SMOC1: variants seen among roughly 807,000 people sequenced by gnomAD.
The protein encoded by SMOC1 is SPARC-related modular calcium-binding protein 1.
SMOC1 carries 22 observed loss-of-function variants against 56.3 expected under a neutral mutation model. That is an observed-to-expected ratio of 0.39 (90% CI 0.28 to 0.56). SMOC1 has a LOEUF of 0.56. SMOC1 is among the 20% of genes least tolerant of loss of function. The probability of loss-of-function intolerance (pLI) is 0.61; values close to 1 mark genes in which losing one functional copy is unlikely to be tolerated. For synonymous variants in SMOC1, 193 were observed against 215.0 expected, an observed-to-expected ratio of 0.90 and a Z score of 0.89; for missense variants, 509 against 565.4, an observed-to-expected ratio of 0.90 and a Z score of 1.01.
At chr14:69,926,840 T>G (rs1466728931) in intron 1 of SMOC1, among the ~76,000 whole-genome samples, 1 of 152,204 alleles carries the variant, frequency 6.6e-6, no homozygotes, top group Non-Finnish European at 1.5e-5. Flanking sequence ...TTTTAGCACT[T>G]CTTTACATGG....
Position 69,916,277 on chromosome 14 carries a change from T to G in SMOC1, c.100-35861T>G, listed in dbSNP as rs533071363. Among the ~76,000 whole-genome samples the G allele has an allele frequency of 5.3e-5, 8 of 152,360 alleles. No homozygotes were observed. The South Asian group carries it at 1.7e-3, about 32-fold the overall frequency. ...TCAGCACATCCTAGTGATTCTACTCTAAAAATGTGTCCAGAATCTACCCGC... is the reference window on the plus strand; with the variant it reads ...TCAGCACATCCTAGTGATTCTACTCGAAAAATGTGTCCAGAATCTACCCGC... On this transcript the variant is annotated intron_variant, in intron 1 of 11. Coordinates refer to ENST00000361956, the MANE Select transcript of SMOC1 (RefSeq NM_001034852.3).
intron 1 of SMOC1, among the ~76,000 whole-genome samples, chr14:69,931,193 G>A (rs1255164365): frequency 2.0e-5 from 3 of 152,352 alleles, no homozygotes; most frequent in African/African-American, 4.8e-5. Context: ...CCACATGGGC[G>A]TCTCCTCTGT....
intron 7 of SMOC1, among the ~76,000 whole-genome samples, chr14:69,995,979 A>G (rs1884747618): frequency 1.3e-5 from 2 of 152,130 alleles, no homozygotes; most frequent in African/African-American, 2.4e-5. Flanking sequence ...CGGAAGTAAC[A>G]TTTGCAACTG....
chr14:69,901,851 C>T (rs867043193), intron 1 of SMOC1, among the ~76,000 whole-genome samples: 2 of 152,222 alleles, frequency 1.3e-5, no homozygotes, highest in East Asian at 1.9e-4. Flanking sequence ...TTTGGTGGCT[C>T]TTTGCCTTGT....
chr14:70,023,516 C>G (rs533933317), intron 11 of SMOC1, 69 bp downstream of exon 11: 27 of 1,601,566 alleles, frequency 1.7e-5, no homozygotes, highest in Admixed American at 3.3e-5. Context: ...ACCAAGGGCT[C>G]TCTGATAAAT....
intron 1 of SMOC1, among the ~76,000 whole-genome samples, chr14:69,943,787 T>C (rs553665199): frequency 6.6e-6 from 1 of 152,322 alleles, no homozygotes; most frequent in East Asian, 1.9e-4. Context: ...ACATCCCCTC[T>C]CTTGGGAGAG....
At chr14:70,020,527 G>A (rs541433397) in intron 10 of SMOC1, among the ~76,000 whole-genome samples, 2 of 152,134 alleles carry the variant, frequency 1.3e-5, no homozygotes, top group African/African-American at 4.8e-5. Context: ...GGGCCTCACA[G>A]GGCAGGCTGT....
intron 1 of SMOC1, among the ~76,000 whole-genome samples, chr14:69,923,081 A>T (rs1218064228): frequency 6.6e-6 from 1 of 152,048 alleles, no homozygotes. Context: ...AGTAGCTGGG[A>T]CTACAGGCAC....
At chr14:69,950,925 G>C (rs1882972585) in intron 1 of SMOC1, among the ~76,000 whole-genome samples, 1 of 152,218 alleles carries the variant, frequency 6.6e-6, no homozygotes, top group African/African-American at 2.4e-5. Flanking sequence ...TCTCAGTTCT[G>C]TGGGTTAACT....
At chr14:69,943,621 G>A (rs778719694) in intron 1 of SMOC1, among the ~76,000 whole-genome samples, 62 of 152,198 alleles carry the variant, frequency 4.1e-4, no homozygotes, top group East Asian at 3.9e-4. Context: ...GCAGCTAGAC[G>A]TCTGGAATGT....
chr14:69,887,025 C>T (rs145750686), intron 1 of SMOC1, among the ~76,000 whole-genome samples: 128 of 152,284 alleles, frequency 8.4e-4, no homozygotes, highest in African/African-American at 3.0e-3. Context: ...AGGAGAAACT[C>T]ATGTCCTGTG....
intron 3 of SMOC1, among the ~76,000 whole-genome samples, chr14:69,967,483 A>G (rs144695859): frequency 1.2e-3 from 189 of 152,270 alleles, no homozygotes; most frequent in African/African-American, 4.3e-3. Context: ...TAAGCTCATC[A>G]GCTATTGTTA....
intron 1 of SMOC1, among the ~76,000 whole-genome samples, chr14:69,923,705 T>C (rs929100283): frequency 2.0e-5 from 3 of 152,210 alleles, no homozygotes; most frequent in African/African-American, 4.8e-5. Flanking sequence ...TTTGACATCT[T>C]CATTTAGCTG....
intron 7 of SMOC1, among the ~76,000 whole-genome samples, chr14:70,003,783 AG>A (rs900845309): frequency 4.6e-5 from 7 of 152,210 alleles, no homozygotes; most frequent in African/African-American, 1.2e-4. Flanking sequence ...GGAAAGCTTC[AG>A]GGATGGAGGA....
chr14:69,945,955 T>C (rs1882765908), intron 1 of SMOC1, among the ~76,000 whole-genome samples: 1 of 152,222 alleles, frequency 6.6e-6, no homozygotes, highest in African/African-American at 2.4e-5. Flanking sequence ...TAGATATTGG[T>C]TAAGTCAGCA....
At chr14:69,957,670 A>T (rs1425118815) in intron 3 of SMOC1, among the ~76,000 whole-genome samples, 1 of 152,224 alleles carries the variant, frequency 6.6e-6, no homozygotes, top group East Asian at 1.9e-4. Flanking sequence ...TTAAAAAAAG[A>T]TACAAAAAAG....
intron 7 of SMOC1, among the ~76,000 whole-genome samples, chr14:70,000,711 G>A (rs753295317): frequency 7.9e-5 from 12 of 152,214 alleles, no homozygotes; most frequent in Non-Finnish European, 1.3e-4. Flanking sequence ...CAGTCTCTGC[G>A]TGGGAAGGAA....
chr14:69,947,087 G>GCCTGCCTT (rs1555360725), intron 1 of SMOC1, among the ~76,000 whole-genome samples: 4 of 143,360 alleles, frequency 2.8e-5, no homozygotes, highest in Non-Finnish European at 3.0e-5. Context: ...TCTCAGGCCG[G>GCCTGCCTT]CCTTCCTTCC....
At chr14:69,985,036 A>G (rs1884317197) in intron 5 of SMOC1, among the ~76,000 whole-genome samples, 2 of 134,212 alleles carry the variant, frequency 1.5e-5, no homozygotes, top group South Asian at 4.2e-4. Flanking sequence ...CCTGTCTCAA[A>G]AAAAGAAAAA....
Sources: gnomAD v4.1 joint callset for allele counts (sites outside exome capture counted in the v4.1 genomes callset) on GRCh38, gnomAD v4.1.1 for gene constraint, MANE v1.5 for transcripts, NCBI Gene and HGNC (gene_info 2026-07-23, HGNC 2026-07-21) for gene names.